SOX6: variants seen among roughly 807,000 people sequenced by gnomAD.
The protein encoded by SOX6 is SRY-box transcription factor 6.
SOX6 carries 11 observed loss-of-function variants against 97.8 expected under a neutral mutation model. The observed-to-expected ratio is 0.11, with a 90% CI of 0.07 to 0.19. The LOEUF (loss-of-function observed/expected upper bound fraction) is 0.19. SOX6 is among the 10% of genes least tolerant of loss of function. The pLI is 1.00. For missense variants in SOX6, 810 were observed against 1,039.5 expected (o/e 0.78, Z 3.04); for synonymous variants, 360 against 371.4 (o/e 0.97, Z 0.35).
chr11:16,683,896 AC>A (rs1483063114), intron 3 of SOX6, among the ~76,000 whole-genome samples: 1 of 152,152 alleles, frequency 6.6e-6, no homozygotes, highest in Non-Finnish European at 1.5e-5. Context: ...CAAGAAAAAA[AC>A]AAACAACTCC....
intron 3 of SOX6, among the ~76,000 whole-genome samples, chr11:16,644,784 T>C (rs1228659879): frequency 1.3e-5 from 2 of 152,198 alleles, no homozygotes; most frequent in African/African-American, 4.8e-5. Context: ...ACTTGTTAAT[T>C]GTATTGTTCA....
intron 1 of SOX6, among the ~76,000 whole-genome samples, chr11:16,407,125 GCTAT>G (rs1264824497): frequency 3.3e-5 from 5 of 152,104 alleles, no homozygotes; most frequent in Non-Finnish European, 5.9e-5. Flanking sequence ...AGTTTGAGGA[GCTAT>G]CTAATGGCTA....
At chr11:16,314,573 A>G (rs554338066) in intron 3 of SOX6, 1 of 152,332 alleles carries the variant, frequency 6.6e-6, no homozygotes, top group Admixed American at 6.5e-5. Flanking sequence ...CATCTAGCAT[A>G]GGGATTCTTA....
At chr11:16,072,875 C>G (rs1248884423) in intron 9 of SOX6, among the ~76,000 whole-genome samples, 1 of 152,030 alleles carries the variant, frequency 6.6e-6, no homozygotes, top group Non-Finnish European at 1.5e-5. Flanking sequence ...GAAATCAGAC[C>G]CTTTCCAGAC....
intron 3 of SOX6, among the ~76,000 whole-genome samples, chr11:16,663,093 C>G (rs1847778539): frequency 6.6e-6 from 1 of 151,146 alleles, no homozygotes. Flanking sequence ...GAAATCTCCT[C>G]AATCTTATAA....
At chr11:16,240,846 G>A (rs1853174402) in intron 3 of SOX6, among the ~76,000 whole-genome samples, 1 of 152,018 alleles carries the variant, frequency 6.6e-6, no homozygotes, top group Admixed American at 6.6e-5. Flanking sequence ...ATGTCAAAAT[G>A]TTGGTGACAG....
intron 6 of SOX6, among the ~76,000 whole-genome samples, chr11:16,173,113 T>A (rs1851083327): frequency 6.6e-6 from 1 of 151,954 alleles, no homozygotes; most frequent in Non-Finnish European, 1.5e-5. Context: ...TGTATAGATA[T>A]CAGTAAAACA....
chr11:16,665,807 G>A (rs2134021522), intron 3 of SOX6, among the ~76,000 whole-genome samples: 1 of 152,308 alleles, frequency 6.6e-6, no homozygotes, highest in East Asian at 1.9e-4. Flanking sequence ...GGGTGCTTGT[G>A]TGACCCCTGC....
intron 3 of SOX6, among the ~76,000 whole-genome samples, chr11:16,657,631 T>G (rs1430444555): frequency 6.6e-6 from 1 of 152,260 alleles, no homozygotes. Flanking sequence ...TTTGTGTTGC[T>G]GTTTGTTGAG....
In SOX6 at chr11:16,658,926, T is replaced by C. The variant is rs1251502437; in HGVS notation, n.430-46666A>G. ...CTTCCTTTTTTAAAAAAAGAAGTTC[T>C]TTATATGCTTCAGATACACATCTTT... On this transcript the variant is annotated intron_variant and non_coding_transcript_variant, in intron 3 of 5. Coordinates refer to the SOX6 transcript ENST00000524520. Among the ~76,000 whole-genome samples, 3 of 152,244 alleles carry C rather than the reference T, an allele frequency of 2.0e-5. No individual in the cohort carries two copies. The South Asian group carries it at 6.2e-4, about 31-fold the overall frequency.
intron 3 of SOX6, among the ~76,000 whole-genome samples, chr11:16,289,022 C>T (rs1854831342): frequency 6.6e-6 from 1 of 151,554 alleles, no homozygotes; most frequent in Non-Finnish European, 1.5e-5. Context: ...GAATTCTGGG[C>T]ACAAGATGTC....
intron 3 of SOX6, among the ~76,000 whole-genome samples, chr11:16,281,279 T>C (rs1319423381): frequency 1.3e-5 from 2 of 152,060 alleles, no homozygotes; most frequent in Non-Finnish European, 2.9e-5. Flanking sequence ...TATATGTGTA[T>C]GGTCATTGCT....
At chr11:16,337,244 G>A (rs1242125707) in intron 2 of SOX6, among the ~76,000 whole-genome samples, 3 of 152,016 alleles carry the variant, frequency 2.0e-5, no homozygotes, top group Admixed American at 6.6e-5. Flanking sequence ...TAACATGTAC[G>A]TTGCAATTTA....
At chr11:16,520,624 G>A (rs1028726653) in intron 4 of SOX6, among the ~76,000 whole-genome samples, 2 of 152,216 alleles carry the variant, frequency 1.3e-5, no homozygotes, top group African/African-American at 4.8e-5. Flanking sequence ...CAGACAGTGG[G>A]CGTAGGACAG....
At chr11:15,988,629 G>A (rs529668743) in intron 14 of SOX6, among the ~76,000 whole-genome samples, 4 of 152,322 alleles carry the variant, frequency 2.6e-5, no homozygotes, top group African/African-American at 9.6e-5. Context: ...ATGAATTTAA[G>A]AGAACTGCAC....
At chr11:16,589,838 A>G (rs1848130601) in intron 4 of SOX6, among the ~76,000 whole-genome samples, 1 of 152,286 alleles carries the variant, frequency 6.6e-6, no homozygotes, top group South Asian at 2.1e-4. Flanking sequence ...TTTTCCAACA[A>G]TGTTTAAAAT....
intron 1 of SOX6, among the ~76,000 whole-genome samples, chr11:16,403,387 T>C (rs930289286): frequency 2.6e-5 from 4 of 151,746 alleles, no homozygotes; most frequent in Non-Finnish European, 5.9e-5. Context: ...GATTGGTCTG[T>C]GCGGCCATAC....
At chr11:16,128,681 G>T (rs534515243) in intron 6 of SOX6, among the ~76,000 whole-genome samples, 1 of 152,100 alleles carries the variant, frequency 6.6e-6, no homozygotes, top group South Asian at 2.1e-4. Flanking sequence ...ATATATATAT[G>T]CCTTCTCCTT....
intron 1 of SOX6, among the ~76,000 whole-genome samples, chr11:16,396,119 G>A (rs929038998): frequency 2.0e-5 from 3 of 151,422 alleles, no homozygotes; most frequent in African/African-American, 7.3e-5. Context: ...AGATGTTAGG[G>A]GTTCTTTAAT....
Sources: gnomAD v4.1 joint callset for allele counts (sites outside exome capture counted in the v4.1 genomes callset) on GRCh38, gnomAD v4.1.1 for gene constraint, MANE v1.5 for transcripts, NCBI Gene and HGNC (gene_info 2026-07-23, HGNC 2026-07-21) for gene names.